ANK2: variants seen among roughly 807,000 people sequenced by gnomAD.
The protein encoded by ANK2 is ankyrin-2.
In ANK2, 83 loss-of-function variants were observed where a neutral mutation model predicts 360.5. The ratio of observed to expected loss-of-function variants is 0.23; its 90% CI spans 0.19 to 0.28. The LOEUF (loss-of-function observed/expected upper bound fraction) is 0.28. Ranked by LOEUF, ANK2 falls within the 10% of genes least tolerant of loss-of-function variation. The pLI, the probability that ANK2 is intolerant of heterozygous loss-of-function variation, is 1.00. For synonymous variants in ANK2, 1,740 were observed against 1,759.5 expected (o/e 0.99, Z 0.28); for missense variants, 4,201 against 4,795.7 (o/e 0.88, Z 3.66).
chr4:112,966,623 G>A (rs1399223208), intron 2 of ANK2, among the ~76,000 whole-genome samples: 1 of 151,836 alleles, frequency 6.6e-6, no homozygotes, highest in Non-Finnish European at 1.5e-5. Context: ...GTAGTGTTAT[G>A]GTGAACATTT....
intron 4 of ANK2, among the ~76,000 whole-genome samples, chr4:113,202,571 G>A (rs546873647): frequency 6.6e-6 from 1 of 152,204 alleles, no homozygotes; most frequent in African/African-American, 2.4e-5. Context: ...CTATGCCTTT[G>A]GCAAACTTCC....
chr4:112,768,663 AAAAC>A, the ANK2 span, among the ~76,000 whole-genome samples: 3,441 of 152,168 alleles, frequency 0.023, 47 homozygotes, highest in Non-Finnish European at 0.025. Flanking sequence ...TGCTCTTGAC[AAAAC>A]AAACAAACAA....
chr4:112,893,130 G>A (rs966271302), intron 1 of ANK2, among the ~76,000 whole-genome samples: 12 of 152,004 alleles, frequency 7.9e-5, no homozygotes, highest in Admixed American at 5.9e-4. Flanking sequence ...GATGCAAAAC[G>A]AAGATAACAC....
At chr4:113,031,570 C>G (rs1403838940) in intron 2 of ANK2, 1 of 151,654 alleles carries the variant, frequency 6.6e-6, no homozygotes, top group Non-Finnish European at 1.5e-5. Context: ...CCCTCCCACC[C>G]CATTTCTATT....
chr4:113,104,060 T>A (rs1346332045), intron 1 of ANK2, among the ~76,000 whole-genome samples: 1 of 152,148 alleles, frequency 6.6e-6, no homozygotes, highest in African/African-American at 2.4e-5. Flanking sequence ...ACAGATCAAA[T>A]TCTAAATCTC....
In ANK2 at chr4:113,357,497, A is replaced by G. The variant is rs1417269396; in HGVS notation, c.8879A>G (p.Tyr2960Cys). 2.5e-6 allele frequency: 4 copies of G among 1,614,156 alleles called. No homozygotes were observed. In the South Asian group the frequency reaches 4.4e-5, roughly 18 times the overall value. ...HTTSFHSSEV[Y>C]SVTITSPVED... ...ACAAGTTTTCACTCTTCTGAAGTGT[A>G]TTCTGTTACCATCACATCCCCTGTT... Residue 2960 changes from tyrosine (Y) to cysteine (C), a missense_variant, in exon 38 of 46, where the codon TAT (tyrosine) becomes TGT (cysteine). Transcript: ENST00000357077.
Position 113,257,685 on chromosome 4 carries a change from G to A in ANK2, c.1189-365G>A, listed in dbSNP as rs111984390. 4.3e-4 allele frequency among the ~76,000 whole-genome samples: 65 copies of A among 152,294 alleles called. 1 individual carries two copies. Among genetic ancestry groups the A allele is most frequent in the African/African-American group, 1.5e-3 (64 of 41,552 alleles). On this transcript the variant is annotated intron_variant, in intron 11 of 45. Coordinates refer to ENST00000357077, the MANE Select transcript of ANK2 (RefSeq NM_001148.6). Reference sequence around the variant, plus strand: ...TCAGAAGAATATATGCTTATCTTCAGTTCATCTTCAAGTAATTTAATAACC... The same window carrying A: ...TCAGAAGAATATATGCTTATCTTCAATTCATCTTCAAGTAATTTAATAACC...
At chr4:113,232,732 A>C (rs1404366359) in intron 5 of ANK2, among the ~76,000 whole-genome samples, 6 of 152,176 alleles carry the variant, frequency 3.9e-5, no homozygotes, top group Admixed American at 3.9e-4. Context: ...ACAAATTATG[A>C]CACATGGTTG....
intron 1 of ANK2, among the ~76,000 whole-genome samples, chr4:112,851,351 G>A (rs1367767717): frequency 6.6e-6 from 1 of 152,148 alleles, no homozygotes; most frequent in Non-Finnish European, 1.5e-5. Context: ...CGTGGGGAGG[G>A]GTGAGCGAGG....
chr4:113,176,062 C>A (rs1482348060), intron 2 of ANK2, among the ~76,000 whole-genome samples: 4 of 152,204 alleles, frequency 2.6e-5, no homozygotes, highest in Non-Finnish European at 5.9e-5. Flanking sequence ...CCTCTAGCTA[C>A]AAAGCAGGCC....
intron 1 of ANK2, among the ~76,000 whole-genome samples, chr4:112,897,490 C>G (rs541082777): frequency 3.1e-4 from 47 of 152,226 alleles, no homozygotes; most frequent in African/African-American, 1.1e-3. Context: ...TTTTACATTT[C>G]ATAAGAGTGG....
intron 2 of ANK2, among the ~76,000 whole-genome samples, chr4:112,966,518 T>G (rs116787690): frequency 0.038 from 5,756 of 152,142 alleles, 312 homozygotes; most frequent in African/African-American, 0.12. Context: ...TAAAAATTAA[T>G]CTTTTAACTT....
In ANK2 at chr4:113,250,277, A is replaced by G. The variant is rs543216263; in HGVS notation, c.990+415A>G. Among the ~76,000 whole-genome samples the G allele has an allele frequency of 2.6e-5, 4 of 152,300 alleles. No individual in the cohort carries two copies. The South Asian group carries it at 8.3e-4, about 32-fold the overall frequency. On this transcript the variant is annotated intron_variant, in intron 10 of 45. Coordinates refer to ENST00000357077, the MANE Select transcript of ANK2 (RefSeq NM_001148.6). ...GAATCTTTTTGCTCATCCAATCTTTATCTCTTAGGCAATACTAATAAAAAG... is the reference window on the plus strand; with the variant it reads ...GAATCTTTTTGCTCATCCAATCTTTGTCTCTTAGGCAATACTAATAAAAAG...
intron 1 of ANK2, among the ~76,000 whole-genome samples, chr4:113,116,578 G>T (rs1219612269): frequency 6.6e-6 from 1 of 152,168 alleles, no homozygotes. Flanking sequence ...AAACAGCAAC[G>T]TCGATTCTTT....
rs553749977 is a variant in ANK2 at position 112,966,626 on chromosome 4, G to T, written c.21+62112G>T. 1.1e-4 allele frequency among the ~76,000 whole-genome samples: 16 copies of T among 152,038 alleles called. No homozygotes were observed. In the South Asian group the frequency reaches 3.3e-3, roughly 32 times the overall value. On this transcript the variant is annotated intron_variant, in intron 2 of 30. Coordinates refer to the ANK2 transcript ENST00000503271. ...TTTCCATTTTAAGTAGTGTTATGGT[G>T]AACATTTTTGTACCTAGAATAGATT...
At chr4:112,720,272 G>C in the ANK2 span, among the ~76,000 whole-genome samples, 1 of 152,092 alleles carries the variant, frequency 6.6e-6, no homozygotes, top group African/African-American at 2.4e-5. Context: ...TGTTGACCTG[G>C]TACTTTCATC....
At chr4:112,989,554 A>G (rs2046054228) in intron 2 of ANK2, among the ~76,000 whole-genome samples, 1 of 152,212 alleles carries the variant, frequency 6.6e-6, no homozygotes, top group Non-Finnish European at 1.5e-5. Context: ...CATTATGCTT[A>G]TGTAAAGTAA....
At chr4:113,048,430 A>T (rs1287956056), upstream of ANK2, among the ~76,000 whole-genome samples, 2 of 129,724 alleles carry the variant, frequency 1.5e-5, no homozygotes, top group Non-Finnish European at 3.2e-5. Flanking sequence ...CACCTGGCTA[A>T]TTTTTTTTTT....
chr4:113,288,890 T>C (rs568556053), intron 20 of ANK2, among the ~76,000 whole-genome samples: 156 of 152,276 alleles, frequency 1.0e-3, no homozygotes, highest in Non-Finnish European at 1.9e-3. Flanking sequence ...TCATTTTTAA[T>C]GAACTCTGTC....
Sources: gnomAD v4.1 joint callset for allele counts (sites outside exome capture counted in the v4.1 genomes callset) on GRCh38, gnomAD v4.1.1 for gene constraint, MANE v1.5 for transcripts, NCBI Gene and HGNC (gene_info 2026-07-23, HGNC 2026-07-21) for gene names.